The following PRLR variants were observed in gnomAD, a reference collection of about 807,000 sequenced individuals.
The protein encoded by PRLR is hPRL receptor.
Under a neutral mutation model 40.2 loss-of-function variants are expected in PRLR, and 13 were observed. That is an observed-to-expected ratio of 0.32 (90% confidence interval 0.21 to 0.51). The LOEUF is 0.51. Ranked by LOEUF, PRLR falls within the 20% of genes least tolerant of loss-of-function variation. The probability of loss-of-function intolerance (pLI) is 0.97; values close to 1 mark genes in which losing one functional copy is unlikely to be tolerated. For missense variants in PRLR, 656 were observed against 747.3 expected, an observed-to-expected ratio of 0.88 and a Z score of 1.42; for synonymous variants, 269 against 278.7, an observed-to-expected ratio of 0.97 and a Z score of 0.35.
At chr5:35,049,239 AG>A in exon 9 of PRLR, 2 of 702,716 alleles carry the variant, frequency 2.8e-6, no homozygotes, top group Non-Finnish European at 5.2e-6. Context: ...GGTTGGACAG[AG>A]GGGAGAAAAT....
At chr5:35,150,952 A>T (rs1579735576) in intron 1 of PRLR, among the ~76,000 whole-genome samples, 3 of 152,340 alleles carry the variant, frequency 2.0e-5, no homozygotes, top group Admixed American at 2.0e-4. Context: ...TAGTAGGCAT[A>T]TAAAACATCT....
chr5:35,218,496 A>C (rs1010068371), intron 1 of PRLR, among the ~76,000 whole-genome samples: 12 of 152,204 alleles, frequency 7.9e-5, no homozygotes, highest in African/African-American at 2.9e-4. Flanking sequence ...CTTAAGTTAA[A>C]ATCTTAATGC....
At chr5:35,216,760 T>C (rs1399996823) in intron 1 of PRLR, among the ~76,000 whole-genome samples, 1 of 152,236 alleles carries the variant, frequency 6.6e-6, no homozygotes, top group East Asian at 1.9e-4. Context: ...TTTTTAACCA[T>C]CTGTTATCTG....
intron 3 of PRLR, among the ~76,000 whole-genome samples, chr5:35,088,223 A>G (rs1770982347): frequency 6.6e-6 from 1 of 152,208 alleles, no homozygotes; most frequent in Admixed American, 6.5e-5. Flanking sequence ...GCCCTGCTAA[A>G]ACCCGTCCTT....
chr5:35,116,147 G>A (rs902668602), intron 2 of PRLR, among the ~76,000 whole-genome samples: 1 of 152,104 alleles, frequency 6.6e-6, no homozygotes. Context: ...GGTCAGGGAA[G>A]ATCAATCAGA....
intron 8 of PRLR, chr5:35,049,552 G>A: frequency 1.7e-6 from 1 of 595,538 alleles, no homozygotes. Context: ...CTCAAGCCTA[G>A]AATTGCATAA....
chr5:35,089,842 A>G (rs1332195265), intron 2 of PRLR, among the ~76,000 whole-genome samples, 179 bp from the exon 3 acceptor site: 2 of 152,184 alleles, frequency 1.3e-5, no homozygotes, highest in Admixed American at 1.3e-4. Context: ...AGAAACATCA[A>G]TTCACACACG....
chr5:35,213,514 T>C (rs1776217327), intron 1 of PRLR, among the ~76,000 whole-genome samples: 1 of 152,224 alleles, frequency 6.6e-6, no homozygotes, highest in South Asian at 2.1e-4. Context: ...TGAGTTTTTT[T>C]TTCTGGGAAT....
At chr5:35,103,987 G>A (rs948503526) in intron 2 of PRLR, among the ~76,000 whole-genome samples, 2 of 152,068 alleles carry the variant, frequency 1.3e-5, no homozygotes, top group Non-Finnish European at 2.9e-5. Context: ...ATGTGCCCAG[G>A]CGAACAGAGC....
downstream of PRLR, among the ~76,000 whole-genome samples, chr5:35,051,038 A>G (rs1202950066): frequency 6.6e-6 from 1 of 152,160 alleles, no homozygotes; most frequent in Non-Finnish European, 1.5e-5. Flanking sequence ...TGGAAAACTG[A>G]TTTTCTTGAA....
intron 1 of PRLR, among the ~76,000 whole-genome samples, chr5:35,119,383 C>G (rs1773196105): frequency 7.1e-6 from 1 of 140,878 alleles, no homozygotes; most frequent in Non-Finnish European, 1.5e-5. Flanking sequence ...CTCTCTCTCT[C>G]TCTCACACAC....
intron 1 of PRLR, among the ~76,000 whole-genome samples, chr5:35,224,842 T>C (rs1776511221): frequency 6.6e-6 from 1 of 152,194 alleles, no homozygotes; most frequent in South Asian, 2.1e-4. Flanking sequence ...CTGCTCTTTT[T>C]TTTGAAATAA....
intron 1 of PRLR, among the ~76,000 whole-genome samples, chr5:35,121,763 C>T (rs188307430): frequency 3.1e-4 from 47 of 152,316 alleles, no homozygotes; most frequent in Non-Finnish European, 2.5e-4. Context: ...AGACTCATAG[C>T]TAAGAAGTTG....
chr5:35,209,212 A>C (rs371338756), intron 1 of PRLR, among the ~76,000 whole-genome samples: 1 of 152,216 alleles, frequency 6.6e-6, no homozygotes, highest in African/African-American at 2.4e-5. Flanking sequence ...AGAATGCCAA[A>C]AAAATTATAA....
intron 1 of PRLR, among the ~76,000 whole-genome samples, chr5:35,161,653 A>G (rs1263195352): frequency 6.6e-6 from 1 of 152,250 alleles, no homozygotes. Flanking sequence ...AAGGAGATGC[A>G]TTAATCTGGA....
chr5:35,129,519 C>G (rs67378061), intron 1 of PRLR, among the ~76,000 whole-genome samples: 33,977 of 152,010 alleles, frequency 0.22, 7,133 homozygotes, highest in African/African-American at 0.56. Context: ...AAGGGATCAA[C>G]CACAGCAAAT....
downstream of PRLR, among the ~76,000 whole-genome samples, chr5:35,054,272 T>A (rs1768616088): frequency 6.6e-6 from 1 of 152,230 alleles, no homozygotes; most frequent in African/African-American, 2.4e-5. Context: ...AATATTAAGA[T>A]ATGCATTTTA....
In PRLR at chr5:35,057,593, T is replaced by C. The variant is rs1768795108; in HGVS notation, c.*7496A>G. 6.6e-6 allele frequency: 1 copy of C among 152,126 alleles called. No individual in the cohort carries two copies. Among genetic ancestry groups the C allele is most frequent in the African/African-American group, 2.4e-5 (1 of 41,446 alleles). The allele number at this position is 152,126 out of a possible 1,614,324, so 9.4% of individuals were successfully genotyped here. The stretch of plus-strand genomic sequence containing the variant: ...CAGTTAGTGTTATCTCCAATACTAT[T>C]GACAAAGATTTAACTACCCATGTTG... On this transcript the variant is annotated 3_prime_UTR_variant, in exon 10 of 10. Transcript: ENST00000618457.
chr5:35,219,150 C>A (rs935834063), intron 1 of PRLR, among the ~76,000 whole-genome samples: 1 of 152,170 alleles, frequency 6.6e-6, no homozygotes, highest in African/African-American at 2.4e-5. Flanking sequence ...GTCCAACTCC[C>A]GGAAGCCCGG....
Sources: gnomAD v4.1 joint callset for allele counts (sites outside exome capture counted in the v4.1 genomes callset) on GRCh38, gnomAD v4.1.1 for gene constraint, MANE v1.5 for transcripts, NCBI Gene and HGNC (gene_info 2026-07-23, HGNC 2026-07-21) for gene names.